The following TGM3 variants were observed in gnomAD, a reference collection of about 807,000 sequenced individuals.
TGM3 encodes transglutaminase 3, also known as protein-glutamine gamma-glutamyltransferase E.
Under a neutral mutation model 73.8 loss-of-function variants are expected in TGM3, and 52 were observed. The observed-to-expected ratio is 0.70, with a 90% CI of 0.56 to 0.89. The LOEUF (loss-of-function observed/expected upper bound fraction) is 0.89, where lower values mean the gene tolerates loss of function less well. TGM3 is among the 40% of genes least tolerant of loss of function. The pLI, the probability that TGM3 is intolerant of heterozygous loss-of-function variation, is 0.00. For missense variants in TGM3, 928 were observed against 909.9 expected (o/e 1.02, Z -0.26); for synonymous variants, 372 against 354.9 (o/e 1.05, Z -0.54).
At chr20:2,301,456 C>A (rs979422619) in intron 1 of TGM3, among the ~76,000 whole-genome samples, 1 of 148,020 alleles carries the variant, frequency 6.8e-6, no homozygotes, top group Non-Finnish European at 1.5e-5. Context: ...GATTACATCA[C>A]TGTTTTTCAA....
Position 2,328,053 on chromosome 20 carries a change from TG to T in TGM3, c.1088-63del. On this transcript the variant is annotated intron_variant, in intron 8 of 12. Coordinates refer to ENST00000381458, the MANE Select transcript of TGM3 (RefSeq NM_003245.4). The surrounding 1 kb of genome is among the most constrained non-coding windows in gnomAD (Gnocchi z 5.2). ...GGGTTGCAGTGGTCCTGGAAGGCCC[TG>T]GGGAATCGGGCACTGGGTAGGTTGT... is the stretch of plus-strand genomic sequence containing the variant. The T allele has an allele frequency of 6.2e-7, 1 of 1,601,218 alleles. No homozygotes were observed.
intron 7 of TGM3, among the ~76,000 whole-genome samples, chr20:2,323,438 T>A (rs1202174537): frequency 6.6e-6 from 1 of 152,260 alleles, no homozygotes; most frequent in Non-Finnish European, 1.5e-5. Flanking sequence ...CTGCCACCAT[T>A]TATCTGCCAA....
At position 2,310,924 on chromosome 20, in the gene TGM3, C is replaced by T. The variant is rs181265494; in HGVS notation, c.422-87C>T. 90 of 1,196,618 alleles carry T rather than the reference C, an allele frequency of 7.5e-5. No individual in the cohort carries two copies. The Admixed American group carries it at 1.2e-3, about 15-fold the overall frequency. 74.1% of individuals were successfully genotyped at this position (1,196,618 alleles called of 1,614,324 possible). A position where few individuals can be genotyped will look rare whatever the true frequency, so the allele number is the denominator to read the frequency against. On this transcript the variant is annotated intron_variant, in intron 3 of 12. Coordinates refer to ENST00000381458, the MANE Select transcript of TGM3 (RefSeq NM_003245.4). ...GTGGGGCTTGCTCCAACCCCCAGGC[C>T]GGTTCAGGAGTGGGAGGAGAGGAGG...
chr20:2,328,474 T>C lies in TGM3; in HGVS notation c.1333+109T>C. On this transcript the variant is annotated intron_variant, in intron 9 of 12. Coordinates refer to ENST00000381458, the MANE Select transcript of TGM3 (RefSeq NM_003245.4). The surrounding 1 kb of genome is among the most constrained non-coding windows in gnomAD (Gnocchi z 5.2). The stretch of plus-strand genomic sequence containing the variant: ...CACCTCCCCCGCACTGGCAGCCAGT[T>C]CTGCCTGAATGATAGGATTGCTCCC... 3 of 1,445,080 alleles carry C rather than the reference T, an allele frequency of 2.1e-6. No individual in the cohort carries two copies. Among genetic ancestry groups the C allele is most frequent in the Non-Finnish European group, 2.8e-6 (3 of 1,067,956 alleles). The allele number at this position is 1,445,080 out of a possible 1,614,324, so 89.5% of individuals were successfully genotyped here.
At position 2,329,593 on chromosome 20, in the gene TGM3, T is replaced by C. The variant is rs2084308346; in HGVS notation, c.1333+1228T>C. ...TGCAGATGGGCTGGAGGTGTGGGGA[T>C]GTAGGACAAGTATTTTCAACAATGT... is the stretch of plus-strand genomic sequence containing the variant. On this transcript the variant is annotated intron_variant, in intron 9 of 12. Coordinates refer to ENST00000381458, the MANE Select transcript of TGM3 (RefSeq NM_003245.4). Among the ~76,000 whole-genome samples the C allele has an allele frequency of 2.0e-5, 3 of 152,052 alleles. No homozygotes were observed. In the South Asian group the frequency reaches 6.2e-4, roughly 32 times the overall value.
At chr20:2,319,702 T>C (rs2084253247) in intron 7 of TGM3, among the ~76,000 whole-genome samples, 1 of 152,128 alleles carries the variant, frequency 6.6e-6, no homozygotes, top group Non-Finnish European at 1.5e-5. Context: ...CACCCCTCCC[T>C]TCCTCTCCCC....
At chr20:2,311,278 CTAT>C (rs2084202341) in intron 4 of TGM3, 149 bp downstream of exon 4, 1 of 666,780 alleles carries the variant, frequency 1.5e-6, no homozygotes, top group Non-Finnish European at 2.7e-6. Context: ...CATTGGCCAC[CTAT>C]TATGTGTCAG....
intron 1 of TGM3, 151 bp from the exon 2 acceptor site, chr20:2,309,506 G>A: frequency 1.3e-6 from 1 of 742,172 alleles, no homozygotes. Context: ...GCAAGATCAA[G>A]GTCTTTGGAT....
At position 2,303,948 on chromosome 20, in the gene TGM3, T is replaced by C. The variant is rs376529964; in HGVS notation, c.8-5709T>C. Among the ~76,000 whole-genome samples, 10 of 152,108 alleles carry C rather than the reference T, an allele frequency of 6.6e-5. No homozygotes were observed. In the East Asian group the frequency reaches 7.7e-4, roughly 12 times the overall value. On this transcript the variant is annotated intron_variant, in intron 1 of 12. Transcript: ENST00000381458. ...TCACATCTGGAATAAAGGTTAGGAGTATGTGATTGTTCTCTAAGGTTTTTC... is the reference window on the plus strand; with the variant it reads ...TCACATCTGGAATAAAGGTTAGGAGCATGTGATTGTTCTCTAAGGTTTTTC...
At chr20:2,318,893 C>T (rs1286645915) in intron 7 of TGM3, among the ~76,000 whole-genome samples, 2 of 152,204 alleles carry the variant, frequency 1.3e-5, no homozygotes, top group Non-Finnish European at 2.9e-5. Flanking sequence ...CAACTCCATG[C>T]CAGCAACCGA....
At chr20:2,331,907 C>T in intron 9 of TGM3, 95 bp from the exon 10 acceptor site, 2 of 1,419,438 alleles carry the variant, frequency 1.4e-6, no homozygotes, top group East Asian at 2.3e-5. Flanking sequence ...ATGGAGCCAG[C>T]ACCAGTCCTA....
Position 2,332,760 on chromosome 20 carries a change from C to T in TGM3, c.1642+450C>T, listed in dbSNP as rs2084328405. On this transcript the variant is annotated intron_variant, in intron 10 of 12. Coordinates refer to ENST00000381458, the MANE Select transcript of TGM3 (RefSeq NM_003245.4). The surrounding 1 kb of genome is among the most constrained non-coding windows in gnomAD (Gnocchi z 4.4). ...AGTCTTGGTCCTAGGTTTCCTGATA[C>T]TGAGTCCAGAGCCACCCCCTGTTTT... 6.6e-6 allele frequency among the ~76,000 whole-genome samples: 1 copy of T among 152,174 alleles called. No homozygotes were observed. Among genetic ancestry groups the T allele is most frequent in the African/African-American group, 2.4e-5 (1 of 41,442 alleles).
intron 1 of TGM3, among the ~76,000 whole-genome samples, chr20:2,307,697 A>C (rs2084182736): frequency 6.6e-6 from 1 of 151,786 alleles, no homozygotes; most frequent in Non-Finnish European, 1.5e-5. Context: ...ACACGTGTAC[A>C]CTCCCAACAT....
intron 7 of TGM3, among the ~76,000 whole-genome samples, chr20:2,323,925 T>G (rs1439981819): frequency 6.6e-6 from 1 of 152,232 alleles, no homozygotes; most frequent in Non-Finnish European, 1.5e-5. Context: ...CTATTTCTTA[T>G]TTTTTCATCA....
chr20:2,308,888 T>G (rs1315850544), intron 1 of TGM3, among the ~76,000 whole-genome samples: 2 of 151,728 alleles, frequency 1.3e-5, no homozygotes, highest in Non-Finnish European at 2.9e-5. Flanking sequence ...TCTTTTTTTT[T>G]TTTTTTGAGA....
chr20:2,319,083 T>C (rs916279941), intron 7 of TGM3, among the ~76,000 whole-genome samples: 4 of 152,234 alleles, frequency 2.6e-5, no homozygotes, highest in African/African-American at 9.6e-5. Context: ...TGGCCAGACT[T>C]TGTTTTCCAA....
chr20:2,323,989 A>G (rs2084274514), intron 7 of TGM3, among the ~76,000 whole-genome samples: 1 of 152,158 alleles, frequency 6.6e-6, no homozygotes, highest in Admixed American at 6.5e-5. Context: ...ACATTACAAT[A>G]TTGATACAGT....
chr20:2,315,119 G>T (rs1385897356), intron 5 of TGM3, among the ~76,000 whole-genome samples: 3 of 152,190 alleles, frequency 2.0e-5, no homozygotes, highest in Admixed American at 1.3e-4. Flanking sequence ...TGGTGACTTA[G>T]AAGGCTGAGT....
At chr20:2,311,213 C>T (rs2084201938) in intron 4 of TGM3, 84 bp downstream of exon 4, 1 of 1,103,162 alleles carries the variant, frequency 9.1e-7, no homozygotes, top group East Asian at 2.4e-5. Flanking sequence ...AATGGGAAGT[C>T]CCACATCTGT....
Sources: allele counts gnomAD v4.1 joint callset (sites outside exome capture counted in the v4.1 genomes callset), GRCh38; gene constraint gnomAD v4.1.1; non-coding constraint Gnocchi (gnomAD v3.1); transcripts MANE v1.5; gene names NCBI Gene and HGNC (gene_info 2026-07-23, HGNC 2026-07-21).